The following SPTBN2 variants were observed in gnomAD, a reference collection of about 807,000 sequenced individuals.
SPTBN2 encodes the protein spectrin beta, non-erythrocytic 2.
SPTBN2 carries 107 observed loss-of-function variants against 284.2 expected under a neutral mutation model. The ratio of observed to expected loss-of-function variants is 0.38; its 90% confidence interval spans 0.32 to 0.44. The LOEUF (loss-of-function observed/expected upper bound fraction) is 0.44, where lower values mean the gene tolerates loss of function less well. Among genes scored for constraint, SPTBN2 ranks in the 20% least tolerant of loss-of-function variants. The pLI is 1.00. For synonymous variants in SPTBN2, 1,289 were observed against 1,354.8 expected, an observed-to-expected ratio of 0.95 and a Z score of 1.07; for missense variants, 2,569 against 3,287.1, an observed-to-expected ratio of 0.78 and a Z score of 5.34.
At chr11:66,688,562 G>C (rs1940312462) in intron 31 of SPTBN2, 91 bp downstream of exon 31, 1 of 1,543,814 alleles carries the variant, frequency 6.5e-7, no homozygotes, top group Admixed American at 1.8e-5. Flanking sequence ...TGGTGCAGTG[G>C]GAAGAGAGAA....
chr11:66,705,448 G>A lies in SPTBN2; in HGVS notation c.1828C>T (p.Gln610Ter). 1 of 1,613,060 alleles carries A rather than the reference G, an allele frequency of 6.2e-7. No homozygotes were observed. Among genetic ancestry groups the A allele is most frequent in the Non-Finnish European group, 8.5e-7 (1 of 1,180,024 alleles). ...TTGGCCACCCGCTCCGACACCAGCT[G>A]CGGGTCGCAAGGTCTATACTCTGAG... is the stretch of plus-strand genomic sequence containing the variant. ...PGKEYRPCDP[Q>*]LVSERVAKLE... is the part of the protein sequence containing the mutation. Residue 610 changes from glutamine (Q) to a stop codon, truncating the protein, a stop_gained, in exon 15 of 38, where the codon CAG (glutamine) becomes TAG (stop). Coordinates refer to ENST00000533211, the MANE Select transcript of SPTBN2 (RefSeq NM_006946.4). LOFTEE classifies it high-confidence loss of function.
At chr11:66,713,351 A>C (rs2135508415) in intron 8 of SPTBN2, among the ~76,000 whole-genome samples, 1 of 151,786 alleles carries the variant, frequency 6.6e-6, no homozygotes, top group Middle Eastern at 3.4e-3. Context: ...GGGTCTCACT[A>C]TGTTGCCCAG....
At chr11:66,720,411 C>G (rs1239303414) in intron 3 of SPTBN2, among the ~76,000 whole-genome samples, 1 of 152,186 alleles carries the variant, frequency 6.6e-6, no homozygotes, top group Non-Finnish European at 1.5e-5. Flanking sequence ...CAGCCGCACT[C>G]TTGTTGCCAT....
intron 1 of SPTBN2, among the ~76,000 whole-genome samples, chr11:66,725,242 T>C (rs940420186): frequency 6.6e-6 from 1 of 152,198 alleles, no homozygotes; most frequent in Non-Finnish European, 1.5e-5. Context: ...GCCTTCCATG[T>C]GAATGGTGCT....
chr11:66,685,571 C>G lies in SPTBN2; in HGVS notation c.*300G>C, dbSNP rs905507001. 2 of 409,428 alleles carry G rather than the reference C, an allele frequency of 4.9e-6. No homozygotes were observed. Among genetic ancestry groups the G allele is most frequent in the South Asian group, 4.2e-5 (2 of 47,770 alleles). The allele number at this position is 409,428 out of a possible 1,614,324, so 25.4% of individuals were successfully genotyped here. On this transcript the variant is annotated 3_prime_UTR_variant, in exon 38 of 38. Transcript: ENST00000533211. The surrounding 1 kb of genome is among the most constrained non-coding windows in gnomAD (Gnocchi z 4.4). Reference sequence around the variant, plus strand: ...CCCCACATGGCCTATGTTGAGGGTGCGGCACTGTCCACACCGTGGTGAGGG... The same window carrying G: ...CCCCACATGGCCTATGTTGAGGGTGGGGCACTGTCCACACCGTGGTGAGGG...
At position 66,707,490 on chromosome 11, in the gene SPTBN2, C is replaced by T. The variant is rs1941623854; in HGVS notation, c.1653+26G>A. On this transcript the variant is annotated intron_variant, in intron 13 of 37. Coordinates refer to ENST00000533211, the MANE Select transcript of SPTBN2 (RefSeq NM_006946.4). This position sits in a 1 kb window ranked among gnomAD's most constrained non-coding sequence, Gnocchi z 4.9. ...CCCCCTCGACTCTTGATCACTCTTA[C>T]CCCACCCAGCACGCCTCACTGGTAC... 6.3e-7 allele frequency: 1 copy of T among 1,576,832 alleles called. No homozygotes were observed. Among genetic ancestry groups the T allele is most frequent in the South Asian group, 1.1e-5 (1 of 86,972 alleles).
chr11:66,703,796 A>G (rs1941377905), intron 15 of SPTBN2, among the ~76,000 whole-genome samples: 1 of 152,124 alleles, frequency 6.6e-6, no homozygotes, highest in Non-Finnish European at 1.5e-5. Flanking sequence ...GTTCTATAAA[A>G]AAATTTTTAA....
In SPTBN2 at chr11:66,687,842, A is replaced by T. The variant is rs1940243236; in HGVS notation, c.6501+26T>A. 1 of 1,613,694 alleles carries T rather than the reference A, an allele frequency of 6.2e-7. No homozygotes were observed. Among genetic ancestry groups the T allele is most frequent in the African/African-American group, 1.3e-5 (1 of 74,808 alleles). On this transcript the variant is annotated intron_variant, in intron 34 of 37. Coordinates refer to ENST00000533211, the MANE Select transcript of SPTBN2 (RefSeq NM_006946.4). The surrounding 1 kb of genome is among the most constrained non-coding windows in gnomAD (Gnocchi z 5.2). ...CTGGACCCTTCGCCTCACAGTTATC[A>T]ACACCACACTTGCAGGGGAACTCAC...
intron 3 of SPTBN2, among the ~76,000 whole-genome samples, chr11:66,716,646 C>A (rs1326441105): frequency 6.6e-6 from 1 of 152,152 alleles, no homozygotes; most frequent in Admixed American, 6.5e-5. Context: ...GCCCCAATGT[C>A]TCATCTGTAA....
chr11:66,687,323 C>T lies in SPTBN2; in HGVS notation c.6722+104G>A, dbSNP rs1326280338. The T allele has an allele frequency of 1.3e-6, 2 of 1,556,698 alleles. No individual in the cohort carries two copies. The highest frequency in any genetic ancestry group is 1.4e-5 in the African/African-American group (1 of 74,002). ...TGAGGCCCCGCTCTGGTCCCAAGTC[C>T]TACCCTTTGCCCAGAAGATGTACTC... On this transcript the variant is annotated intron_variant, in intron 35 of 37. Transcript: ENST00000533211. This position sits in a 1 kb window ranked among gnomAD's most constrained non-coding sequence, Gnocchi z 5.2.
chr11:66,705,533 A>C, intron 14 of SPTBN2, 65 bp from the exon 15 acceptor site: 1 of 1,607,972 alleles, frequency 6.2e-7, no homozygotes, highest in East Asian at 2.2e-5. Context: ...CTGCCACCAC[A>C]CTCTCTTGGA....
At chr11:66,692,439 C>T in intron 26 of SPTBN2, 97 bp downstream of exon 26, 1 of 1,450,224 alleles carries the variant, frequency 6.9e-7, no homozygotes, top group Non-Finnish European at 9.5e-7. Flanking sequence ...TGCCCCTTAG[C>T]CCCTCAGTGC....
At chr11:66,686,508 G>A (rs1940123791) in intron 36 of SPTBN2, 68 bp from the exon 37 acceptor site, 3 of 1,570,746 alleles carry the variant, frequency 1.9e-6, no homozygotes, top group East Asian at 2.2e-5. Context: ...GCTGGTGAGA[G>A]CGTAATCATG....
intron 15 of SPTBN2, 116 bp downstream of exon 15, chr11:66,704,482 C>A: frequency 8.1e-7 from 1 of 1,233,558 alleles, no homozygotes; most frequent in Non-Finnish European, 1.1e-6. Flanking sequence ...AAATGGACAA[C>A]CATTAAGACT....
In SPTBN2 at chr11:66,687,461, C is replaced by G. The variant is rs1940196069; in HGVS notation, c.6688G>C (p.Glu2230Gln). ...GCCTTCTTCCCGAAGGCCTCCATCT[C>G]CTGCTTGCGGCACAGCATCCCCTCC... The part of the protein sequence containing the change: ...QMEGMLCRKQ[E>Q]MEAFGKKAAN... Residue 2230 changes from glutamate to glutamine, a missense_variant, in exon 35 of 38, where the codon GAG becomes CAG. Physicochemically the swap from Glu to Gln is conservative, Grantham distance 29 (BLOSUM62 2). This residue lies in a region of SPTBN2 where 1,130 missense variants were observed against 1,317.3 expected (regional missense o/e 0.86). Coordinates refer to ENST00000533211, the MANE Select transcript of SPTBN2 (RefSeq NM_006946.4). The surrounding 1 kb of genome is among the most constrained non-coding windows in gnomAD (Gnocchi z 5.2). The G allele has an allele frequency of 6.2e-7, 1 of 1,609,196 alleles. No homozygotes were observed. The highest frequency in any genetic ancestry group is 8.5e-7 in the Non-Finnish European group (1 of 1,179,984).
At chr11:66,702,807 G>C (rs576981157) in intron 15 of SPTBN2, among the ~76,000 whole-genome samples, 1 of 151,420 alleles carries the variant, frequency 6.6e-6, no homozygotes, top group African/African-American at 2.4e-5. Flanking sequence ...GTGTGGTGGC[G>C]GGTGCCTGTA....
In SPTBN2 at chr11:66,715,133, G is replaced by T; in HGVS notation, c.483+89C>A. ...ATAAGGTTCTAGATCCTCCATCTTT[G>T]TGTTTGTTGTGTCATGGGCCAGCAG... is the stretch of plus-strand genomic sequence containing the variant. On this transcript the variant is annotated intron_variant, in intron 5 of 37. Coordinates refer to ENST00000533211, the MANE Select transcript of SPTBN2 (RefSeq NM_006946.4). The surrounding 1 kb of genome is among the most constrained non-coding windows in gnomAD (Gnocchi z 5.3). 1 of 1,534,570 alleles carries T rather than the reference G, an allele frequency of 6.5e-7. No individual in the cohort carries two copies. The highest frequency in any genetic ancestry group is 9.0e-7 in the Non-Finnish European group (1 of 1,111,902).
intron 36 of SPTBN2, chr11:66,686,681 G>A (rs533715820): frequency 6.6e-5 from 42 of 631,982 alleles, no homozygotes; most frequent in African/African-American, 1.1e-4. Context: ...CTCCTGCTCC[G>A]GCTGCTTGCT....
Position 66,682,841 on chromosome 11 carries a change from T to C in SPTBN2, c.*3030A>G, listed in dbSNP as rs1478544765. Among the ~76,000 whole-genome samples the C allele has an allele frequency of 6.6e-6, 1 of 151,720 alleles. No homozygotes were observed. Among genetic ancestry groups the C allele is most frequent in the Admixed American group, 6.6e-5 (1 of 15,236 alleles). On this transcript the variant is annotated 3_prime_UTR_variant, in exon 38 of 38. Transcript: ENST00000533211. The stretch of plus-strand genomic sequence containing the variant: ...GCAGTGGCATGATCTCGGCTCACTG[T>C]AACCTCTGCTTCCCAGGTTCAAGCA...
Sources: gnomAD v4.1 joint callset for allele counts (sites outside exome capture counted in the v4.1 genomes callset) on GRCh38, gnomAD v4.1.1 for gene constraint, gnomAD v4.1.1 regional missense constraint, Gnocchi (gnomAD v3.1) non-coding constraint, MANE v1.5 for transcripts, NCBI Gene and HGNC (gene_info 2026-07-23, HGNC 2026-07-21) for gene names.